Variants in ZFHX3 observed in about 807,000 individuals in gnomAD.
ZFHX3 encodes zinc finger homeobox protein 3.
A neutral mutation model predicts 279.1 loss-of-function variants in ZFHX3; 42 were observed. The ratio of observed to expected loss-of-function variants is 0.15; its 90% confidence interval spans 0.12 to 0.19. The LOEUF (loss-of-function observed/expected upper bound fraction) is 0.19, where lower values mean the gene tolerates loss of function less well. Among genes scored for constraint, ZFHX3 ranks in the 10% least tolerant of loss-of-function variants. The pLI, the probability that ZFHX3 is intolerant of heterozygous loss-of-function variation, is 1.00. For synonymous variants in ZFHX3, 2,293 were observed against 1,957.8 expected, an observed-to-expected ratio of 1.17 and a Z score of -4.52; for missense variants, 4,981 against 4,754.0, an observed-to-expected ratio of 1.05 and a Z score of -1.40.
chr16:73,093,220 A>G (rs1433940928), intron 8 of ZFHX3: 1 of 519,482 alleles, frequency 1.9e-6, no homozygotes, highest in Non-Finnish European at 3.9e-6. Context: ...AGGTAAGGGA[A>G]TGATCCGGTC....
Position 72,797,751 on chromosome 16 carries a change from C to T in ZFHX3, c.4931G>A (p.Ser1644Asn). Reference sequence around the variant, plus strand: ...TGGCGTGGAGGAGCTCAAGGAAATACTGCTGCTGTTCCCAGTCCCATTGCT... The same window carrying T: ...TGGCGTGGAGGAGCTCAAGGAAATATTGCTGCTGTTCCCAGTCCCATTGCT... ...GSSNGTGNSSSISLSSSTPSP... is the reference protein window; with the variant it reads ...GSSNGTGNSSNISLSSSTPSP... The change falls in exon 9 of 10, where the codon AGT becomes AAT. Residue 1644 changes from serine to asparagine, a missense_variant. Physicochemically the swap from Ser to Asn is conservative, Grantham distance 46. Around this residue, in one of 7 missense-constraint regions of ZFHX3, gnomAD observed 1,751 missense variants for 1,770.0 expected, o/e 0.99. Transcript: ENST00000268489. 6.2e-7 allele frequency: 1 copy of T among 1,614,136 alleles called. No homozygotes were observed. The highest frequency in any genetic ancestry group is 1.3e-5 in the African/African-American group (1 of 75,038).
intron 2 of ZFHX3, among the ~76,000 whole-genome samples, chr16:73,518,133 G>A (rs1035598151): frequency 1.3e-5 from 2 of 152,180 alleles, no homozygotes; most frequent in African/African-American, 2.4e-5. Context: ...TCAGGTGCTC[G>A]TTAGCCACAG....
chr16:73,846,962 A>T (rs989287724), intron 1 of ZFHX3, among the ~76,000 whole-genome samples: 2 of 151,946 alleles, frequency 1.3e-5, no homozygotes, highest in African/African-American at 4.8e-5. Context: ...TATATATTGT[A>T]GGTCACAGTG....
At chr16:73,395,084 T>C (rs1248464014) in intron 3 of ZFHX3, among the ~76,000 whole-genome samples, 2 of 151,978 alleles carry the variant, frequency 1.3e-5, no homozygotes, top group African/African-American at 4.8e-5. Flanking sequence ...GGGCTAGGAG[T>C]GCATCTGGAA....
At chr16:73,252,074 T>C (rs974562638) in intron 5 of ZFHX3, among the ~76,000 whole-genome samples, 6 of 152,132 alleles carry the variant, frequency 3.9e-5, no homozygotes, top group Non-Finnish European at 5.9e-5. Context: ...CAGTCAGTAA[T>C]AACTGCTCAA....
intron 1 of ZFHX3, among the ~76,000 whole-genome samples, chr16:73,864,481 G>A (rs1261384706): frequency 6.6e-6 from 1 of 152,228 alleles, no homozygotes; most frequent in African/African-American, 2.4e-5. Flanking sequence ...CACTTCGGGA[G>A]GCTGAGGGAG....
At chr16:72,814,950 T>C (rs2036561597) in intron 5 of ZFHX3, among the ~76,000 whole-genome samples, 1 of 152,214 alleles carries the variant, frequency 6.6e-6, no homozygotes, top group Non-Finnish European at 1.5e-5. Context: ...AACACCCAGT[T>C]ACAATCTCAT....
chr16:73,772,111 C>T (rs2054024759), intron 1 of ZFHX3, among the ~76,000 whole-genome samples: 1 of 152,162 alleles, frequency 6.6e-6, no homozygotes, highest in Non-Finnish European at 1.5e-5. Flanking sequence ...TGAGGCAGAA[C>T]CATCCAGTTC....
Position 72,787,917 on chromosome 16 carries a change from G to C in ZFHX3, c.10359C>G (p.Tyr3453Ter). Residue 3453 changes from tyrosine (Y) to a stop codon, truncating the protein, a stop_gained, in exon 10 of 10, where the codon TAC becomes TAG. Coordinates refer to ENST00000268489, the MANE Select transcript of ZFHX3 (RefSeq NM_006885.4). LOFTEE classifies it high-confidence loss of function. ...EAESKSADSL[Y>*]DPFIVPKVQY... Reference sequence around the variant, plus strand: ...GCACCTTTGGAACAATGAAGGGGTCGTAGAGGGAGTCCGCACTTTTGCTTT... The same window carrying C: ...GCACCTTTGGAACAATGAAGGGGTCCTAGAGGGAGTCCGCACTTTTGCTTT... 1.2e-6 allele frequency: 2 copies of C among 1,614,086 alleles called. No homozygotes were observed. Among genetic ancestry groups the C allele is most frequent in the Non-Finnish European group, 1.7e-6 (2 of 1,180,028 alleles).
chr16:73,235,291 G>A (rs575863355), intron 5 of ZFHX3, among the ~76,000 whole-genome samples: 197 of 152,134 alleles, frequency 1.3e-3, no homozygotes, highest in African/African-American at 4.4e-3. Context: ...GGATGGTCTC[G>A]ATCTCCTGAC....
At chr16:72,928,194 A>AG (rs1302108425) in intron 3 of ZFHX3, among the ~76,000 whole-genome samples, 102 of 4,508 alleles carry the variant, frequency 0.023, 10 homozygotes, top group East Asian at 0.087. Flanking sequence ...AGGGAGGGGG[A>AG]GGGGAGCGAG....
chr16:73,239,133 C>T (rs923412538), intron 5 of ZFHX3, among the ~76,000 whole-genome samples: 6 of 152,152 alleles, frequency 3.9e-5, no homozygotes, highest in Non-Finnish European at 5.9e-5. Context: ...ATTAATATTA[C>T]TATTTTTATT....
exon 8 of ZFHX3, chr16:73,093,587 A>G: frequency 2.0e-6 from 1 of 512,440 alleles, no homozygotes; most frequent in South Asian, 1.4e-5. Flanking sequence ...TCTTGGGCTA[A>G]CCGGTCGTCT....
intron 3 of ZFHX3, among the ~76,000 whole-genome samples, chr16:73,411,210 T>G (rs75474184): frequency 0.012 from 1,858 of 152,314 alleles, 41 homozygotes; most frequent in African/African-American, 0.043. Context: ...ATTTCCGACT[T>G]TAGAACCTCA....
At chr16:73,038,867 G>A (rs1311706016) in intron 1 of ZFHX3, among the ~76,000 whole-genome samples, 5 of 151,754 alleles carry the variant, frequency 3.3e-5, no homozygotes, top group African/African-American at 7.3e-5. Flanking sequence ...GCACAATCAC[G>A]GCTCAATGCA....
chr16:73,046,079 G>C (rs1284909430), intron 1 of ZFHX3, among the ~76,000 whole-genome samples: 1 of 152,180 alleles, frequency 6.6e-6, no homozygotes, highest in Non-Finnish European at 1.5e-5. Context: ...TTAGCAAAGG[G>C]AGAGAGAAAA....
chr16:73,701,320 G>A (rs2142216776), intron 1 of ZFHX3, among the ~76,000 whole-genome samples: 1 of 152,278 alleles, frequency 6.6e-6, no homozygotes, highest in East Asian at 1.9e-4. Context: ...GTTTCTAAAT[G>A]TATTTGCAAA....
chr16:72,895,895 G>A (rs533492889), intron 3 of ZFHX3, among the ~76,000 whole-genome samples: 8 of 141,344 alleles, frequency 5.7e-5, no homozygotes, highest in Non-Finnish European at 9.8e-5. Context: ...ATAGATAGAC[G>A]GATAGATAGG....
chr16:73,677,204 C>T (rs958232821), intron 2 of ZFHX3, among the ~76,000 whole-genome samples: 7 of 141,174 alleles, frequency 5.0e-5, no homozygotes, highest in African/African-American at 1.9e-4. Flanking sequence ...TTTTAGGAGG[C>T]AATTAAATAA....
Sources: gnomAD v4.1 joint callset for allele counts (sites outside exome capture counted in the v4.1 genomes callset) on GRCh38, gnomAD v4.1.1 for gene constraint, gnomAD v4.1.1 regional missense constraint, MANE v1.5 for transcripts, NCBI Gene and HGNC (gene_info 2026-07-23, HGNC 2026-07-21) for gene names.